Variants in KCND2 observed in about 807,000 individuals in gnomAD.
The protein encoded by KCND2 is potassium voltage-gated channel subfamily D member 2, also known as A-type voltage-gated potassium channel KCND2.
A neutral mutation model predicts 54.4 loss-of-function variants in KCND2; 16 were observed. That is an observed-to-expected ratio of 0.29 (90% confidence interval 0.20 to 0.45). The LOEUF is 0.45. Among genes scored for constraint, KCND2 ranks in the 20% least tolerant of loss-of-function variants. The probability of loss-of-function intolerance (pLI) is 1.00; values close to 1 mark genes in which losing one functional copy is unlikely to be tolerated. For synonymous variants in KCND2, 317 were observed against 310.7 expected (o/e 1.02, Z -0.21); for missense variants, 486 against 824.2 (o/e 0.59, Z 5.02).
chr7:120,617,669 A>G (rs952881580), intron 1 of KCND2, among the ~76,000 whole-genome samples: 1 of 152,170 alleles, frequency 6.6e-6, no homozygotes. Context: ...AATATAAGTC[A>G]TCCTACCAAA....
At chr7:120,657,160 A>AGAT (rs1791812937) in intron 1 of KCND2, among the ~76,000 whole-genome samples, 1 of 152,210 alleles carries the variant, frequency 6.6e-6, no homozygotes, top group African/African-American at 2.4e-5. Flanking sequence ...TTACTAAACT[A>AGAT]GATATGCATG....
chr7:120,403,460 C>G (rs150278609), intron 1 of KCND2, among the ~76,000 whole-genome samples: 2 of 150,510 alleles, frequency 1.3e-5, no homozygotes, highest in African/African-American at 4.9e-5. Context: ...GAATTACAGG[C>G]GATGGCTACC....
intron 1 of KCND2, among the ~76,000 whole-genome samples, chr7:120,485,901 G>A (rs1055147682): frequency 6.6e-6 from 1 of 152,190 alleles, no homozygotes; most frequent in Admixed American, 6.5e-5. Flanking sequence ...TACAGAAAGT[G>A]TTTGATAAAT....
intron 1 of KCND2, among the ~76,000 whole-genome samples, chr7:120,306,969 G>T (rs182984634): frequency 3.3e-4 from 50 of 152,072 alleles, no homozygotes; most frequent in Non-Finnish European, 4.9e-4. Context: ...AAATTAAACT[G>T]CATTTTAAAT....
chr7:120,641,753 TC>T (rs959051160), intron 1 of KCND2, among the ~76,000 whole-genome samples: 1 of 110,534 alleles, frequency 9.0e-6, no homozygotes, highest in African/African-American at 3.5e-5. Flanking sequence ...CCAAGCATAT[TC>T]TTTTTTTTTT....
chr7:120,423,889 A>G (rs1020290520), intron 1 of KCND2, among the ~76,000 whole-genome samples: 4 of 152,164 alleles, frequency 2.6e-5, no homozygotes, highest in Admixed American at 6.6e-5. Context: ...CCCAACTCGA[A>G]CAAAACCAGA....
intron 1 of KCND2, among the ~76,000 whole-genome samples, chr7:120,472,466 C>T (rs1177457856): frequency 6.6e-6 from 1 of 152,062 alleles, no homozygotes; most frequent in Non-Finnish European, 1.5e-5. Flanking sequence ...GAATCTCTGT[C>T]ATCAGCTTGC....
intron 1 of KCND2, among the ~76,000 whole-genome samples, chr7:120,416,438 C>G (rs1801526300): frequency 6.6e-6 from 1 of 152,128 alleles, no homozygotes; most frequent in Admixed American, 6.6e-5. Context: ...CCTTGACATT[C>G]CAGATAAGAT....
intron 1 of KCND2, among the ~76,000 whole-genome samples, chr7:120,641,598 A>C (rs545425311): frequency 1.2e-3 from 179 of 152,300 alleles, no homozygotes; most frequent in Non-Finnish European, 2.1e-3. Flanking sequence ...GGGCTGAAGG[A>C]TAAAACTTCA....
At chr7:120,378,867 G>GGGA (rs1800873380) in intron 1 of KCND2, among the ~76,000 whole-genome samples, 1 of 151,880 alleles carries the variant, frequency 6.6e-6, no homozygotes, top group Non-Finnish European at 1.5e-5. Flanking sequence ...TAAAATCTTA[G>GGGA]TTGTAATATT....
chr7:120,627,014 T>C (rs1363471539), intron 1 of KCND2, among the ~76,000 whole-genome samples: 2 of 152,216 alleles, frequency 1.3e-5, no homozygotes, highest in African/African-American at 2.4e-5. Flanking sequence ...CTACAGTTGG[T>C]TAAGATCCAG....
chr7:120,446,254 G>C (rs1373205569), intron 1 of KCND2, among the ~76,000 whole-genome samples: 1 of 152,108 alleles, frequency 6.6e-6, no homozygotes, highest in Admixed American at 6.6e-5. Context: ...GAGAGATAGA[G>C]TTTAGCACTA....
chr7:120,657,820 C>T (rs1186806315), intron 1 of KCND2, among the ~76,000 whole-genome samples: 3 of 151,984 alleles, frequency 2.0e-5, no homozygotes, highest in African/African-American at 7.3e-5. Context: ...TGCACTCCAG[C>T]CTGGACAACA....
chr7:120,416,453 C>T (rs1286358171), intron 1 of KCND2, among the ~76,000 whole-genome samples: 1 of 152,158 alleles, frequency 6.6e-6, no homozygotes, highest in Non-Finnish European at 1.5e-5. Flanking sequence ...TAAGATTAGT[C>T]TCCTGCAATT....
chr7:120,649,275 G>A (rs902290024), intron 1 of KCND2, among the ~76,000 whole-genome samples: 6 of 151,096 alleles, frequency 4.0e-5, no homozygotes, highest in African/African-American at 1.5e-4. Context: ...TAGCACTGAT[G>A]GGATTTTTTA....
At chr7:120,612,875 T>C (rs187982931) in intron 1 of KCND2, among the ~76,000 whole-genome samples, 103 of 152,342 alleles carry the variant, frequency 6.8e-4, no homozygotes, top group African/African-American at 2.3e-3. Flanking sequence ...TAAATTGCTA[T>C]TGATTAATTG....
At chr7:120,323,089 C>T (rs1799916388) in intron 1 of KCND2, among the ~76,000 whole-genome samples, 2 of 151,962 alleles carry the variant, frequency 1.3e-5, no homozygotes, top group Non-Finnish European at 2.9e-5. Flanking sequence ...ATCAACCCAT[C>T]ATCTAGGTTT....
intron 1 of KCND2, among the ~76,000 whole-genome samples, chr7:120,676,584 C>A (rs1252809373): frequency 1.3e-5 from 2 of 152,142 alleles, no homozygotes. Context: ...ATATTGGCCA[C>A]AACTTCATAT....
At chr7:120,630,107 A>C (rs2116513617) in intron 1 of KCND2, among the ~76,000 whole-genome samples, 1 of 152,300 alleles carries the variant, frequency 6.6e-6, no homozygotes, top group Non-Finnish European at 1.5e-5. Flanking sequence ...TAAGATGGCC[A>C]AACAGCCTTG....
Sources: allele counts gnomAD v4.1 joint callset (sites outside exome capture counted in the v4.1 genomes callset), GRCh38; gene constraint gnomAD v4.1.1; transcripts MANE v1.5; gene names NCBI Gene and HGNC (gene_info 2026-07-23, HGNC 2026-07-21).